Variants in FAM163A observed in about 807,000 individuals in gnomAD.
The protein encoded by FAM163A is protein FAM163A.
A neutral mutation model predicts 12.0 loss-of-function variants in FAM163A; 7 were observed. The observed-to-expected ratio is 0.58, with a 90% CI of 0.33 to 1.10. The LOEUF is 1.10. Among genes scored for constraint, FAM163A ranks in the 50% least tolerant of loss-of-function variants. The pLI is 0.03. For missense variants in FAM163A, 202 were observed against 218.6 expected (o/e 0.92, Z 0.48); for synonymous variants, 101 against 91.0 (o/e 1.11, Z -0.62).
intron 1 of FAM163A, among the ~76,000 whole-genome samples, chr1:179,791,422 C>G (rs577786259): frequency 1.3e-5 from 2 of 152,292 alleles, no homozygotes; most frequent in Non-Finnish European, 2.9e-5. Context: ...GTATGCATAC[C>G]CTGTGCCTGC....
chr1:179,785,147 C>T (rs1343600625), intron 1 of FAM163A, among the ~76,000 whole-genome samples: 2 of 152,180 alleles, frequency 1.3e-5, no homozygotes, highest in Middle Eastern at 3.2e-3. Context: ...CACATCCAGC[C>T]TCCCCTGGTC....
chr1:179,782,085 CT>C (rs1689848044), intron 1 of FAM163A, among the ~76,000 whole-genome samples: 1 of 152,188 alleles, frequency 6.6e-6, no homozygotes, highest in Non-Finnish European at 1.5e-5. Flanking sequence ...CTCTACCAGG[CT>C]GACTCCTTTG....
intron 1 of FAM163A, among the ~76,000 whole-genome samples, chr1:179,747,951 G>C (rs1301801541): frequency 6.6e-6 from 1 of 151,382 alleles, no homozygotes; most frequent in Non-Finnish European, 1.5e-5. Flanking sequence ...AGGGGGAGGA[G>C]GGGGAGGGGG....
the FAM163A span, among the ~76,000 whole-genome samples, chr1:179,733,782 C>T: frequency 6.6e-6 from 1 of 152,200 alleles, no homozygotes; most frequent in Non-Finnish European, 1.5e-5. Flanking sequence ...AGAATGCATG[C>T]TGTTAGTAGA....
intron 1 of FAM163A, among the ~76,000 whole-genome samples, chr1:179,786,404 C>T (rs539181082): frequency 6.6e-6 from 1 of 152,214 alleles, no homozygotes; most frequent in Admixed American, 6.5e-5. Context: ...TAGGGCCAGC[C>T]ACCAATCTGG....
At chr1:179,797,095 C>T (rs1031291601) in intron 1 of FAM163A, among the ~76,000 whole-genome samples, 3 of 152,328 alleles carry the variant, frequency 2.0e-5, no homozygotes, top group African/African-American at 7.2e-5. Context: ...AATGATTCAG[C>T]TCTCAGAGCC....
intron 1 of FAM163A, among the ~76,000 whole-genome samples, chr1:179,792,283 T>TTG (rs3075152): frequency 0.3 from 39,401 of 133,316 alleles, 6,015 homozygotes; most frequent in South Asian, 0.4. Flanking sequence ...CCATATCTGA[T>TTG]TGTGTGTGTG....
intron 1 of FAM163A, among the ~76,000 whole-genome samples, chr1:179,783,388 C>T (rs1690079483): frequency 6.6e-6 from 1 of 152,020 alleles, no homozygotes; most frequent in South Asian, 2.1e-4. Flanking sequence ...TCCTGTGTTG[C>T]TAGGTGGCAG....
At chr1:179,771,115 C>G (rs1438159057) in intron 1 of FAM163A, among the ~76,000 whole-genome samples, 2 of 152,092 alleles carry the variant, frequency 1.3e-5, no homozygotes, top group Non-Finnish European at 2.9e-5. Flanking sequence ...ATCTTCTAAC[C>G]CTGCCACTAC....
chr1:179,791,722 A>G (rs1329420036), intron 1 of FAM163A, among the ~76,000 whole-genome samples: 1 of 152,192 alleles, frequency 6.6e-6, no homozygotes, highest in Non-Finnish European at 1.5e-5. Context: ...GCCTCCATTT[A>G]TATTTTTGCC....
At position 179,801,824 on chromosome 1, in the gene FAM163A, C is replaced by T. The variant is rs549759037; in HGVS notation, c.-135-5974C>T. Reference sequence around the variant, plus strand: ...TTCCAGCATCCAGAATGTGCAGATACCAGGCAGGCGGCCGGAGTGGAGCTT... The same window carrying T: ...TTCCAGCATCCAGAATGTGCAGATATCAGGCAGGCGGCCGGAGTGGAGCTT... On this transcript the variant is annotated intron_variant, in intron 1 of 4. Transcript: ENST00000341785. Among the ~76,000 whole-genome samples, 5 of 152,268 alleles carry T rather than the reference C, an allele frequency of 3.3e-5. No individual in the cohort carries two copies. The East Asian group carries it at 9.7e-4, about 29-fold the overall frequency.
chr1:179,807,270 C>T (rs1408148104), intron 1 of FAM163A, among the ~76,000 whole-genome samples: 1 of 152,112 alleles, frequency 6.6e-6, no homozygotes, highest in Non-Finnish European at 1.5e-5. Flanking sequence ...ATCTGGCTGT[C>T]CAGTCACCAT....
intron 1 of FAM163A, among the ~76,000 whole-genome samples, chr1:179,761,440 C>T (rs957863413): frequency 1.2e-4 from 18 of 152,158 alleles, no homozygotes; most frequent in Non-Finnish European, 1.9e-4. Context: ...GGACTGCAAG[C>T]GAGACTAATT....
At chr1:179,751,280 A>G (rs1410070779) in intron 1 of FAM163A, among the ~76,000 whole-genome samples, 1 of 152,082 alleles carries the variant, frequency 6.6e-6, no homozygotes, top group Non-Finnish European at 1.5e-5. Flanking sequence ...AACCTCAAGT[A>G]GAAGAGGGTG....
chr1:179,766,801 G>A (rs1687567299), intron 1 of FAM163A, among the ~76,000 whole-genome samples: 1 of 151,702 alleles, frequency 6.6e-6, no homozygotes, highest in Admixed American at 6.6e-5. Flanking sequence ...TGTCGCCCAG[G>A]CTGGAGTGCA....
chr1:179,812,984 C>T, intron 3 of FAM163A, 92 bp from the exon 4 acceptor site: 2 of 1,240,846 alleles, frequency 1.6e-6, no homozygotes, highest in South Asian at 2.8e-5. Flanking sequence ...GGCCCCCTGC[C>T]CCAGCCTCGG....
chr1:179,737,869 G>A, the FAM163A span, among the ~76,000 whole-genome samples: 1 of 152,080 alleles, frequency 6.6e-6, no homozygotes, highest in South Asian at 2.1e-4. Context: ...GCGAAGAGAT[G>A]CAAGGAAACT....
chr1:179,777,950 C>A (rs570173836), intron 1 of FAM163A, among the ~76,000 whole-genome samples: 1 of 152,206 alleles, frequency 6.6e-6, no homozygotes, highest in Non-Finnish European at 1.5e-5. Context: ...ATCCTCCCTG[C>A]GATCTTCATT....
intron 1 of FAM163A, among the ~76,000 whole-genome samples, chr1:179,759,792 G>C (rs369546535): frequency 2.0e-5 from 3 of 151,910 alleles, no homozygotes; most frequent in Admixed American, 6.6e-5. Flanking sequence ...TCAGCCTCCC[G>C]AGTAGCTGGA....
Sources: gnomAD v4.1 joint callset for allele counts (sites outside exome capture counted in the v4.1 genomes callset) on GRCh38, gnomAD v4.1.1 for gene constraint, MANE v1.5 for transcripts, NCBI Gene and HGNC (gene_info 2026-07-23, HGNC 2026-07-21) for gene names.